The following TMEM200A variants were observed in gnomAD, a reference collection of about 807,000 sequenced individuals.
TMEM200A encodes transmembrane protein 200A.
TMEM200A carries 12 observed loss-of-function variants against 24.3 expected under a neutral mutation model. The ratio of observed to expected loss-of-function variants is 0.49; its 90% CI spans 0.32 to 0.80. The LOEUF (loss-of-function observed/expected upper bound fraction) is 0.80, where lower values mean the gene tolerates loss of function less well. Ranked by LOEUF, TMEM200A falls within the 30% of genes least tolerant of loss-of-function variation. The probability of loss-of-function intolerance (pLI) is 0.04; values close to 1 mark genes in which losing one functional copy is unlikely to be tolerated. For synonymous variants in TMEM200A, 224 were observed against 224.4 expected (o/e 1.00, Z 0.02); for missense variants, 545 against 614.4 (o/e 0.89, Z 1.19).
intron 2 of TMEM200A, among the ~76,000 whole-genome samples, chr6:130,409,006 G>A (rs1037809898): frequency 4.6e-5 from 7 of 152,094 alleles, no homozygotes; most frequent in African/African-American, 1.7e-4. Context: ...CGCCAGGCCA[G>A]CTCTGTCTCA....
rs1166047115 is a variant in TMEM200A at position 130,413,434 on chromosome 6, T to TA, written c.-16-26973_-16-26972insA. ...GCATGCCCACTCCTGAACTCATGAT[T>TA]CCCAATACTGACTGCTCTCCTCAGG... On this transcript the variant is annotated intron_variant, in intron 2 of 2. Transcript: ENST00000296978. Among the ~76,000 whole-genome samples the TA allele has an allele frequency of 1.1e-4, 16 of 152,258 alleles. No individual in the cohort carries two copies. The East Asian group carries it at 3.1e-3, about 29-fold the overall frequency.
intron 2 of TMEM200A, among the ~76,000 whole-genome samples, chr6:130,385,710 C>T (rs1778696594): frequency 6.6e-6 from 1 of 152,156 alleles, no homozygotes; most frequent in African/African-American, 2.4e-5. Context: ...TACCTTGTAA[C>T]CTGTAATCTT....
At chr6:130,432,143 C>T (rs1052163583) in intron 2 of TMEM200A, among the ~76,000 whole-genome samples, 2 of 152,140 alleles carry the variant, frequency 1.3e-5, no homozygotes, top group Non-Finnish European at 2.9e-5. Context: ...TTCTGTACTC[C>T]CCATATGCCC....
At chr6:130,397,784 C>T (rs1156920148) in intron 2 of TMEM200A, among the ~76,000 whole-genome samples, 1 of 151,188 alleles carries the variant, frequency 6.6e-6, no homozygotes, top group African/African-American at 2.4e-5. Context: ...ATTGATTACC[C>T]TTTCATAGGT....
intron 1 of TMEM200A, among the ~76,000 whole-genome samples, chr6:130,371,426 G>A (rs1013754347): frequency 1.3e-5 from 2 of 152,090 alleles, no homozygotes; most frequent in Admixed American, 6.6e-5. Context: ...CCTGGCAGTC[G>A]GACATCAAAG....
At chr6:130,412,202 TTC>T (rs58012328) in intron 2 of TMEM200A, among the ~76,000 whole-genome samples, 8,918 of 150,420 alleles carry the variant, frequency 0.059, 865 homozygotes, top group African/African-American at 0.21. Context: ...TTTTTTTTTT[TTC>T]TTTTTAGTGG....
In TMEM200A at chr6:130,367,665, G is replaced by C. The variant is rs543153962; in HGVS notation, c.-81+1141G>C. Among the ~76,000 whole-genome samples the C allele has an allele frequency of 1.1e-4, 17 of 152,312 alleles. 1 individual carries two copies. The South Asian group carries it at 3.5e-3, about 32-fold the overall frequency. ...CTGTTTACCTACACAGAAGTATGTA[G>C]TTGTAGTTTCATTCTTTATAAACAC... is the stretch of plus-strand genomic sequence containing the variant. On this transcript the variant is annotated intron_variant, in intron 1 of 2. Coordinates refer to ENST00000296978, the MANE Select transcript of TMEM200A (RefSeq NM_001258277.2).
chr6:130,395,339 C>A (rs1487586403), intron 2 of TMEM200A, among the ~76,000 whole-genome samples: 4 of 152,172 alleles, frequency 2.6e-5, no homozygotes, highest in African/African-American at 9.6e-5. Flanking sequence ...GTGTCAAAAT[C>A]AATCTGTAAT....
At chr6:130,425,349 C>T (rs1248579178) in intron 2 of TMEM200A, among the ~76,000 whole-genome samples, 3 of 152,172 alleles carry the variant, frequency 2.0e-5, no homozygotes, top group Admixed American at 6.5e-5. Context: ...AGTCTGCTTT[C>T]TAATTATACT....
At position 130,441,645 on chromosome 6, in the gene TMEM200A, C is replaced by T; in HGVS notation, c.1223C>T (p.Thr408Ile). The T allele has an allele frequency of 6.2e-7, 1 of 1,614,078 alleles. No individual in the cohort carries two copies. Among genetic ancestry groups the T allele is most frequent in the Non-Finnish European group, 8.5e-7 (1 of 1,180,004 alleles). The change falls in exon 3 of 3, where the codon ACT becomes ATT. Residue 408 changes from threonine (T) to isoleucine (I), a missense_variant. Transcript: ENST00000296978. ...TTAGACCGGGGTCCCTCCACTCTAACTGTTCAGGCAGAACAACGGAAACAT... is the reference window on the plus strand; with the variant it reads ...TTAGACCGGGGTCCCTCCACTCTAATTGTTCAGGCAGAACAACGGAAACAT... ...LDLDRGPSTL[T>I]VQAEQRKHPS... is the part of the protein sequence containing the mutation.
At chr6:130,368,213 A>G (rs1778229823) in intron 1 of TMEM200A, among the ~76,000 whole-genome samples, 1 of 152,220 alleles carries the variant, frequency 6.6e-6, no homozygotes, top group Non-Finnish European at 1.5e-5. Context: ...ATTGGCCAGA[A>G]AAGGATAACT....
At chr6:130,384,826 T>G (rs951377864) in intron 1 of TMEM200A, among the ~76,000 whole-genome samples, 1 of 152,234 alleles carries the variant, frequency 6.6e-6, no homozygotes, top group African/African-American at 2.4e-5. Flanking sequence ...CCTATAAAAT[T>G]TTCTGACAGA....
At chr6:130,397,269 C>A (rs1036865845) in intron 2 of TMEM200A, among the ~76,000 whole-genome samples, 10 of 152,034 alleles carry the variant, frequency 6.6e-5, no homozygotes, top group African/African-American at 2.4e-4. Flanking sequence ...CAAGTAAAAT[C>A]ATAGATTAAG....
At chr6:130,421,681 T>C (rs1779593944) in intron 2 of TMEM200A, among the ~76,000 whole-genome samples, 1 of 152,148 alleles carries the variant, frequency 6.6e-6, no homozygotes, top group Non-Finnish European at 1.5e-5. Flanking sequence ...CTTTGTACCC[T>C]TTGACCATCT....
chr6:130,365,543 T>A, upstream of TMEM200A: 1 of 985,088 alleles, frequency 1.0e-6, no homozygotes, highest in Non-Finnish European at 1.2e-6. Flanking sequence ...GGTCCTGCGG[T>A]GCCTGCTCCG....
intron 2 of TMEM200A, among the ~76,000 whole-genome samples, chr6:130,410,242 A>G (rs1014321462): frequency 2.0e-5 from 3 of 152,212 alleles, no homozygotes; most frequent in Non-Finnish European, 4.4e-5. Context: ...GACCAACCTC[A>G]TCGCTTTGGC....
Position 130,397,616 on chromosome 6 carries a change from T to G in TMEM200A, c.-17+12380T>G, listed in dbSNP as rs560655418. 1.7e-4 allele frequency among the ~76,000 whole-genome samples: 26 copies of G among 149,006 alleles called. No individual in the cohort carries two copies. The South Asian group carries it at 2.1e-3, about 12-fold the overall frequency. ...ACTTTGTGTCATTTATGTTTTAAAT[T>G]TGTGGTTTTTTTTGAAATCCAATCT... On this transcript the variant is annotated intron_variant, in intron 2 of 2. Transcript: ENST00000296978.
chr6:130,429,264 G>A (rs2115204062), intron 2 of TMEM200A, among the ~76,000 whole-genome samples: 1 of 152,314 alleles, frequency 6.6e-6, no homozygotes, highest in South Asian at 2.1e-4. Context: ...GCTCATGCCT[G>A]TAATCCCAGC....
At chr6:130,423,410 T>C (rs1256553179) in intron 2 of TMEM200A, among the ~76,000 whole-genome samples, 2 of 152,182 alleles carry the variant, frequency 1.3e-5, no homozygotes, top group African/African-American at 2.4e-5. Context: ...CTAAATGATT[T>C]CTTACATTTA....
Sources: gnomAD v4.1 joint callset for allele counts (sites outside exome capture counted in the v4.1 genomes callset) on GRCh38, gnomAD v4.1.1 for gene constraint, MANE v1.5 for transcripts, NCBI Gene and HGNC (gene_info 2026-07-23, HGNC 2026-07-21) for gene names.